Variants in GDPD5 observed in about 807,000 individuals in gnomAD.
GDPD5 encodes the protein glycerophosphodiester phosphodiesterase 2.
In GDPD5, 48 loss-of-function variants were observed where a neutral mutation model predicts 75.1. That is an observed-to-expected ratio of 0.64 (90% CI 0.51 to 0.81). GDPD5 has a LOEUF of 0.81. GDPD5 is among the 40% of genes least tolerant of loss of function. The probability of loss-of-function intolerance (pLI) is 0.00; values close to 1 mark genes in which losing one functional copy is unlikely to be tolerated. For synonymous variants in GDPD5, 336 were observed against 339.0 expected, an observed-to-expected ratio of 0.99 and a Z score of 0.10; for missense variants, 706 against 822.6, an observed-to-expected ratio of 0.86 and a Z score of 1.73.
intron 4 of GDPD5, among the ~76,000 whole-genome samples, chr11:75,458,220 T>C (rs1353114806): frequency 6.6e-6 from 1 of 152,236 alleles, no homozygotes; most frequent in Non-Finnish European, 1.5e-5. Flanking sequence ...TGTAGGACCT[T>C]GTGGAGGACA....
chr11:75,510,664 C>G (rs2135483046), intron 1 of GDPD5, among the ~76,000 whole-genome samples: 1 of 152,080 alleles, frequency 6.6e-6, no homozygotes, highest in Non-Finnish European at 1.5e-5. Context: ...CCCACTCCCC[C>G]ATCTCTTCTT....
chr11:75,462,946 C>A, intron 3 of GDPD5, 57 bp from the exon 4 acceptor site: 4 of 1,401,048 alleles, frequency 2.9e-6, no homozygotes, highest in Non-Finnish European at 4.0e-6. Context: ...CCTTAGGCTG[C>A]CTCCCACCAG....
At chr11:75,503,221 A>C (rs1950329430) in intron 1 of GDPD5, among the ~76,000 whole-genome samples, 1 of 152,006 alleles carries the variant, frequency 6.6e-6, no homozygotes, top group South Asian at 2.1e-4. Context: ...GGGTTTCATC[A>C]TGTTGGCCAG....
chr11:75,444,805 C>G (rs1344338569), intron 9 of GDPD5, among the ~76,000 whole-genome samples: 1 of 152,154 alleles, frequency 6.6e-6, no homozygotes, highest in African/African-American at 2.4e-5. Flanking sequence ...ACTATGTTAT[C>G]ATTGCTCTAT....
chr11:75,442,620 GCCCTTTGGGGGC>G (rs1565182116), intron 11 of GDPD5, 39 bp from the exon 12 acceptor site: 1 of 1,595,038 alleles, frequency 6.3e-7, no homozygotes, highest in African/African-American at 1.3e-5. Context: ...TGCATCATCA[GCCCTTTGGGGGC>G]CCCCACATAC....
chr11:75,494,201 C>T (rs1469064779), intron 1 of GDPD5, among the ~76,000 whole-genome samples: 2 of 135,218 alleles, frequency 1.5e-5, no homozygotes, highest in African/African-American at 2.7e-5. Context: ...TATTTACATT[C>T]GTTTACTTTT....
chr11:75,439,774 T>C, intron 15 of GDPD5, 105 bp downstream of exon 15: 2 of 921,486 alleles, frequency 2.2e-6, no homozygotes, highest in South Asian at 2.7e-5. Flanking sequence ...TCAGGCCTGC[T>C]CCTGGCTGAG....
intron 6 of GDPD5, 124 bp downstream of exon 6, chr11:75,456,633 C>A (rs1047367079): frequency 1.1e-6 from 1 of 899,744 alleles, no homozygotes; most frequent in African/African-American, 1.6e-5. Context: ...AGTGCTCAGC[C>A]TTAGCTATGA....
chr11:75,498,209 C>T (rs1479500731), intron 1 of GDPD5, among the ~76,000 whole-genome samples: 1 of 152,154 alleles, frequency 6.6e-6, no homozygotes, highest in Non-Finnish European at 1.5e-5. Flanking sequence ...TGAGGGCTAA[C>T]CCAGGCTGAC....
At chr11:75,478,933 C>T (rs1949841949) in intron 2 of GDPD5, among the ~76,000 whole-genome samples, 1 of 152,228 alleles carries the variant, frequency 6.6e-6, no homozygotes, top group Non-Finnish European at 1.5e-5. Flanking sequence ...AATCTAGGAA[C>T]TGCTCTAGTG....
Position 75,444,500 on chromosome 11 carries a change from G to A in GDPD5, c.715-5C>T, listed in dbSNP as rs1052239514. 1 of 1,611,406 alleles carries A rather than the reference G, an allele frequency of 6.2e-7. No homozygotes were observed. Among genetic ancestry groups the A allele is most frequent in the African/African-American group, 1.3e-5 (1 of 74,910 alleles). ...GAGCGTGTGCTCTGGAGCCAGCTGG[G>A]GAAGAAGGGGTGGTGAAGGGAGAGC... is the stretch of plus-strand genomic sequence containing the variant. On this transcript the variant is annotated splice_polypyrimidine_tract_variant and splice_region_variant and intron_variant, in intron 9 of 16. Coordinates refer to ENST00000336898, the MANE Select transcript of GDPD5 (RefSeq NM_030792.8).
intron 1 of GDPD5, among the ~76,000 whole-genome samples, chr11:75,517,096 G>A (rs1950653623): frequency 6.6e-6 from 1 of 152,110 alleles, no homozygotes; most frequent in South Asian, 2.1e-4. Context: ...TGTGGTTTGG[G>A]GTAAATGGAG....
chr11:75,494,870 T>C (rs1366214439), intron 1 of GDPD5, among the ~76,000 whole-genome samples: 3 of 151,852 alleles, frequency 2.0e-5, no homozygotes, highest in Non-Finnish European at 1.5e-5. Context: ...GAGAATCGCT[T>C]GAATCAGGCA....
chr11:75,512,587 T>C (rs1950547698), intron 1 of GDPD5, among the ~76,000 whole-genome samples: 1 of 152,102 alleles, frequency 6.6e-6, no homozygotes, highest in African/African-American at 2.4e-5. Context: ...CAACCAAAAC[T>C]GTTAGAGTTG....
At chr11:75,524,008 T>C (rs1631039) in intron 1 of GDPD5, among the ~76,000 whole-genome samples, 142,797 of 152,296 alleles carry the variant, frequency 0.94, 67,189 homozygotes, top group Middle Eastern at 0.98. Context: ...CCACACAGAA[T>C]AAGAGCCCAC....
At chr11:75,435,754 C>A in intron 16 of GDPD5, 99 bp from the exon 17 acceptor site, 1 of 1,258,164 alleles carries the variant, frequency 7.9e-7, no homozygotes, top group Non-Finnish European at 1.1e-6. Flanking sequence ...CAGCGGGGCA[C>A]TTGGAGGCTG....
intron 3 of GDPD5, among the ~76,000 whole-genome samples, chr11:75,475,118 T>G (rs1376879282): frequency 6.6e-6 from 1 of 152,240 alleles, no homozygotes; most frequent in African/African-American, 2.4e-5. Context: ...TCAATAAATG[T>G]TAACAGATAC....
intron 2 of GDPD5, among the ~76,000 whole-genome samples, chr11:75,487,231 C>T (rs1273038919): frequency 6.6e-6 from 1 of 152,234 alleles, no homozygotes; most frequent in African/African-American, 2.4e-5. Flanking sequence ...ATGGAGAGAT[C>T]CCCGGCTGCC....
At chr11:75,492,635 C>CCT (rs1220643361) in intron 1 of GDPD5, among the ~76,000 whole-genome samples, 1 of 152,160 alleles carries the variant, frequency 6.6e-6, no homozygotes, top group East Asian at 1.9e-4. Flanking sequence ...ACATCAGTAC[C>CCT]CTCTCTGATC....
Sources: allele counts gnomAD v4.1 joint callset (sites outside exome capture counted in the v4.1 genomes callset), GRCh38; gene constraint gnomAD v4.1.1; transcripts MANE v1.5; gene names NCBI Gene and HGNC (gene_info 2026-07-23, HGNC 2026-07-21).